Variants in CACNA2D3 observed in about 807,000 individuals in gnomAD.
CACNA2D3 encodes the protein calcium voltage-gated channel auxiliary subunit alpha2delta 3, also known as voltage-dependent calcium channel subunit alpha-2/delta-3.
Under a neutral mutation model 160.6 loss-of-function variants are expected in CACNA2D3, and 60 were observed. The observed-to-expected ratio is 0.37, with a 90% confidence interval of 0.30 to 0.46. CACNA2D3 has a LOEUF of 0.46. Among genes scored for constraint, CACNA2D3 ranks in the 20% least tolerant of loss-of-function variants. The pLI is 1.00. For synonymous variants in CACNA2D3, 558 were observed against 492.9 expected (o/e 1.13, Z -1.75); for missense variants, 1,205 against 1,365.0 (o/e 0.88, Z 1.85).
intron 6 of CACNA2D3, among the ~76,000 whole-genome samples, chr3:54,566,037 C>T (rs1231549608): frequency 2.9e-4 from 44 of 152,156 alleles, no homozygotes; most frequent in Non-Finnish European, 1.3e-4. Context: ...CAAACTCCAC[C>T]AGATCTGTTG....
At position 54,503,398 on chromosome 3, in the gene CACNA2D3, G is replaced by T. The variant is rs929412156; in HGVS notation, c.382-94G>T. On this transcript the variant is annotated intron_variant, in intron 4 of 37. Transcript: ENST00000474759. The stretch of plus-strand genomic sequence containing the variant: ...ATGTGAGCAGATCAGGGTCCACAGT[G>T]TAAGGGATGGCACATGGCCTGTGCC... 2.7e-6 allele frequency: 3 copies of T among 1,091,036 alleles called. No homozygotes were observed. In the Admixed American group the frequency reaches 5.4e-5, roughly 20 times the overall value. 67.6% of individuals were successfully genotyped at this position (1,091,036 alleles called of 1,614,324 possible). A position where few individuals can be genotyped will look rare whatever the true frequency, so the allele number is the denominator to read the frequency against.
chr3:54,991,178 A>G (rs192573966), intron 31 of CACNA2D3, among the ~76,000 whole-genome samples: 1 of 152,016 alleles, frequency 6.6e-6, no homozygotes, highest in Non-Finnish European at 1.5e-5. Context: ...TGCAGGGCCC[A>G]GTGCAAAATA....
intron 11 of CACNA2D3, among the ~76,000 whole-genome samples, chr3:54,745,213 A>C (rs1559999): frequency 0.43 from 64,747 of 151,768 alleles, 14,871 homozygotes; most frequent in East Asian, 0.52. Flanking sequence ...CCATGGGAAG[A>C]AAGAGGGAAA....
At chr3:54,959,042 A>C (rs1331268205) in intron 27 of CACNA2D3, among the ~76,000 whole-genome samples, 1 of 152,130 alleles carries the variant, frequency 6.6e-6, no homozygotes, top group Non-Finnish European at 1.5e-5. Context: ...TCGAGGCTGC[A>C]GTGAGCCATG....
intron 11 of CACNA2D3, among the ~76,000 whole-genome samples, chr3:54,715,477 C>A (rs954837674): frequency 6.6e-6 from 1 of 152,050 alleles, no homozygotes; most frequent in African/African-American, 2.4e-5. Flanking sequence ...TTTATTAACT[C>A]AACATTCAGC....
intron 25 of CACNA2D3, among the ~76,000 whole-genome samples, chr3:54,895,164 C>T (rs986013820): frequency 5.3e-5 from 8 of 152,014 alleles, no homozygotes; most frequent in Admixed American, 2.6e-4. Context: ...CTTATGAAGA[C>T]GGCCATAGAA....
intron 29 of CACNA2D3, among the ~76,000 whole-genome samples, chr3:54,979,488 A>T (rs1702460907): frequency 6.6e-6 from 1 of 152,236 alleles, no homozygotes; most frequent in Non-Finnish European, 1.5e-5. Flanking sequence ...AGAAACAAAT[A>T]TTCTCTAAAT....
At chr3:54,727,683 C>T (rs1701304045) in intron 11 of CACNA2D3, among the ~76,000 whole-genome samples, 1 of 152,196 alleles carries the variant, frequency 6.6e-6, no homozygotes, top group Non-Finnish European at 1.5e-5. Context: ...TGCATGTTCT[C>T]ACTCATAAGT....
At chr3:54,560,033 C>A (rs1339309491) in intron 5 of CACNA2D3, among the ~76,000 whole-genome samples, 2 of 152,142 alleles carry the variant, frequency 1.3e-5, no homozygotes, top group Non-Finnish European at 2.9e-5. Context: ...GTGAGTAGTG[C>A]AGCACTGAAC....
chr3:54,892,835 CTG>C (rs1483681070), intron 25 of CACNA2D3, among the ~76,000 whole-genome samples: 2 of 152,196 alleles, frequency 1.3e-5, no homozygotes, highest in African/African-American at 4.8e-5. Flanking sequence ...GGTCTGATAA[CTG>C]TGTTATTGTG....
intron 5 of CACNA2D3, among the ~76,000 whole-genome samples, chr3:54,543,212 C>T (rs530410410): frequency 3.9e-5 from 6 of 152,284 alleles, no homozygotes; most frequent in Admixed American, 2.6e-4. Context: ...GCGATATGCA[C>T]ATGGCTTGGG....
At chr3:54,196,212 A>G (rs543737389) in intron 2 of CACNA2D3, among the ~76,000 whole-genome samples, 13 of 152,320 alleles carry the variant, frequency 8.5e-5, no homozygotes, top group African/African-American at 2.4e-4. Flanking sequence ...ATTCTCTTTT[A>G]TATTATAGGT....
At chr3:54,645,946 C>T (rs901963957) in intron 11 of CACNA2D3, among the ~76,000 whole-genome samples, 1 of 151,888 alleles carries the variant, frequency 6.6e-6, no homozygotes, top group African/African-American at 2.4e-5. Context: ...CTGAGCCCTT[C>T]CCCCTAGTGT....
At chr3:54,305,770 A>C (rs1233396309) in intron 2 of CACNA2D3, among the ~76,000 whole-genome samples, 1 of 152,228 alleles carries the variant, frequency 6.6e-6, no homozygotes, top group Non-Finnish European at 1.5e-5. Flanking sequence ...GAAAAAAATG[A>C]CATCTTTTAC....
intron 5 of CACNA2D3, among the ~76,000 whole-genome samples, chr3:54,559,668 C>T (rs1335170616): frequency 7.2e-5 from 11 of 152,226 alleles, no homozygotes; most frequent in African/African-American, 1.7e-4. Flanking sequence ...GGGGGTTTGT[C>T]GTACAGATTA....
chr3:54,874,397 A>G (rs972499302), intron 18 of CACNA2D3, among the ~76,000 whole-genome samples: 1 of 133,452 alleles, frequency 7.5e-6, no homozygotes, highest in Non-Finnish European at 1.7e-5. Context: ...GGGAAGGGAA[A>G]ATTATCTTAA....
intron 3 of CACNA2D3, among the ~76,000 whole-genome samples, chr3:54,362,705 T>C (rs1698763237): frequency 6.6e-6 from 1 of 152,198 alleles, no homozygotes; most frequent in African/African-American, 2.4e-5. Flanking sequence ...CCAGGCATGG[T>C]GCACTCCCAT....
intron 17 of CACNA2D3, among the ~76,000 whole-genome samples, chr3:54,849,512 G>A (rs1429443791): frequency 6.6e-6 from 1 of 152,124 alleles, no homozygotes; most frequent in African/African-American, 2.4e-5. Flanking sequence ...TAAATGACTT[G>A]TGAACTTACC....
In CACNA2D3 at chr3:54,841,423, T is replaced by C. The variant is rs779674512; in HGVS notation, c.1551+2775T>C. Reference sequence around the variant, plus strand: ...TTTCCAAGGGTCAAGCTGGGAACCATTGACGTAGATATGGCATAAGTTAAC... The same window carrying C: ...TTTCCAAGGGTCAAGCTGGGAACCACTGACGTAGATATGGCATAAGTTAAC... On this transcript the variant is annotated intron_variant, in intron 16 of 37. Coordinates refer to ENST00000474759, the MANE Select transcript of CACNA2D3 (RefSeq NM_018398.3). 1.3e-4 allele frequency among the ~76,000 whole-genome samples: 20 copies of C among 152,188 alleles called. 1 individual carries two copies. Among genetic ancestry groups the C allele is most frequent in the South Asian group, 4.1e-4 (2 of 4,832 alleles).
Sources: gnomAD v4.1 joint callset for allele counts (sites outside exome capture counted in the v4.1 genomes callset) on GRCh38, gnomAD v4.1.1 for gene constraint, MANE v1.5 for transcripts, NCBI Gene and HGNC (gene_info 2026-07-23, HGNC 2026-07-21) for gene names.